The following POLA1 variants were observed in gnomAD, a reference collection of about 807,000 sequenced individuals.
POLA1 encodes the protein DNA polymerase alpha catalytic subunit.
In POLA1, 15 loss-of-function variants were observed where a neutral mutation model predicts 124.0. That is an observed-to-expected ratio of 0.12 (90% CI 0.08 to 0.19). The LOEUF (loss-of-function observed/expected upper bound fraction) is 0.19, where lower values mean the gene tolerates loss of function less well. POLA1 is among the 10% of genes least tolerant of loss of function. The probability of loss-of-function intolerance (pLI) is 1.00; values close to 1 mark genes in which losing one functional copy is unlikely to be tolerated. For synonymous variants in POLA1, 408 were observed against 389.4 expected, an observed-to-expected ratio of 1.05 and a Z score of -0.56; for missense variants, 886 against 1,103.4, an observed-to-expected ratio of 0.80 and a Z score of 2.79.
chrX:24,984,933 T>C (rs1024363893), intron 36 of POLA1, among the ~76,000 whole-genome samples: 1 of 111,261 alleles, frequency 9.0e-6, no homozygotes, highest in African/African-American at 3.3e-5. Context: ...GTGCTGGGAT[T>C]ACAGGCCTGA....
At chrX:24,821,350 G>A (rs1248641854) in intron 30 of POLA1, 102 bp from the exon 31 acceptor site, 13 of 578,723 alleles carry the variant, frequency 2.2e-5, no homozygotes, top group Non-Finnish European at 3.3e-5. Context: ...CATTTTTTAT[G>A]TTTATGTGGC....
In POLA1 at chrX:24,995,837, G is replaced by A. The variant is rs1041675690; in HGVS notation, c.4294G>A (p.Val1432Ile). 1 of 1,206,574 alleles carries A rather than the reference G, an allele frequency of 8.3e-7. No homozygotes were observed. The highest frequency in any genetic ancestry group is 1.1e-6 in the Non-Finnish European group (1 of 891,253). ...GAAGAAGCAATTTTTTACCCCCAAA[G>A]TTCTGCAGGACTACAGAAAACTCAA... ...KLKKQFFTPK[V>I]LQDYRKLKNT... Residue 1432 changes from valine to isoleucine, a missense_variant, in exon 37 of 37, where the codon GTT becomes ATT. Physicochemically the swap from Val to Ile is conservative, Grantham distance 29. This residue lies in a region of POLA1 where 313 missense variants were observed against 359.7 expected (regional missense o/e 0.87). Coordinates refer to ENST00000379068, the MANE Select transcript of POLA1 (RefSeq NM_001330360.2).
At chrX:24,831,771 G>A (rs1194947219) in intron 32 of POLA1, among the ~76,000 whole-genome samples, 1 of 112,398 alleles carries the variant, frequency 8.9e-6, no homozygotes, top group Admixed American at 9.4e-5. Flanking sequence ...ATTAAAAAAT[G>A]TTATACCAAA....
rs919818641 is a variant in POLA1, at chrX:24,762,366, T to G, written c.2964+13374T>G. 8.0e-5 allele frequency among the ~76,000 whole-genome samples: 9 copies of G among 112,280 alleles called. No individual in the cohort carries two copies. In the South Asian group the frequency reaches 1.1e-3, roughly 14 times the overall value. On this transcript the variant is annotated intron_variant, in intron 26 of 36. Transcript: ENST00000379068. ...ATCAAATGGTCAATGAATAATTATG[T>G]CATTCTGAAAGAAAATAAGTGCTAA...
chrX:24,732,599 G>GTT (rs5901763), intron 16 of POLA1, 145 bp downstream of exon 16: 11,863 of 197,366 alleles, frequency 0.06, 135 homozygotes, highest in Non-Finnish European at 0.072. Context: ...GTTTTTTTTT[G>GTT]TTTTTTTTTT....
Position 24,693,974 on chromosome X carries a change from C to A in POLA1, c.13C>A (p.His5Asn). The change falls in exon 1 of 37, where the codon CAC becomes AAC. Residue 5 changes from histidine to asparagine, a missense_variant. His to Asn is a moderately conservative substitution (Grantham distance 68, BLOSUM62 1). Transcript: ENST00000379068. MAPV[H>N]GDDCEIGASA... The stretch of plus-strand genomic sequence containing the variant: ...GAGATTCGGGACCATGGCACCTGTG[C>A]ACGGCGACGACTGTGAGATAGGGGC... 1 of 1,194,953 alleles carries A rather than the reference C, an allele frequency of 8.4e-7. No homozygotes were observed. The highest frequency in any genetic ancestry group is 1.1e-6 in the Non-Finnish European group (1 of 886,767).
At chrX:24,751,131 G>A (rs974858444) in intron 26 of POLA1, among the ~76,000 whole-genome samples, 30 of 111,551 alleles carry the variant, frequency 2.7e-4, no homozygotes, top group African/African-American at 9.4e-4. Context: ...AGTTTCTCAC[G>A]AGAGGCAATA....
intron 30 of POLA1, among the ~76,000 whole-genome samples, chrX:24,817,392 G>A (rs1469452333): frequency 1.8e-5 from 2 of 110,026 alleles, no homozygotes; most frequent in Non-Finnish European, 3.8e-5. Flanking sequence ...GGTGGATCAC[G>A]AGGTCAGGAG....
In POLA1 at chrX:24,871,588, AT is replaced by A. The variant is rs536082680; in HGVS notation, c.4048-16405del. On this transcript the variant is annotated intron_variant, in intron 34 of 36. Coordinates refer to ENST00000379068, the MANE Select transcript of POLA1 (RefSeq NM_001330360.2). ...ATCATGAAGGCTTATGGGGAACCTT[AT>A]TTTTTTTTTTTTAAATTATGTTGTA... Among the ~76,000 whole-genome samples, 273 of 103,938 alleles carry A rather than the reference AT, an allele frequency of 2.6e-3. No homozygotes were observed. In the South Asian group the frequency reaches 0.028, roughly 11 times the overall value. The allele number at this position is 103,938 out of a possible 115,157, so 90.3% of individuals were successfully genotyped here.
chrX:24,966,147 C>T (rs1052040835), intron 36 of POLA1, among the ~76,000 whole-genome samples: 7 of 112,353 alleles, frequency 6.2e-5, no homozygotes, highest in Non-Finnish European at 1.1e-4. Flanking sequence ...CTCTGCCTTA[C>T]CATAGAAATG....
intron 35 of POLA1, among the ~76,000 whole-genome samples, chrX:24,889,787 G>A (rs1057295574): frequency 9.0e-6 from 1 of 111,607 alleles, no homozygotes; most frequent in Non-Finnish European, 1.9e-5. Flanking sequence ...CCTTGAATTT[G>A]TAGGCTCAAG....
At chrX:24,694,992 C>G (rs935361040) in intron 1 of POLA1, among the ~76,000 whole-genome samples, 5 of 112,210 alleles carry the variant, frequency 4.5e-5, no homozygotes, top group African/African-American at 1.6e-4. Flanking sequence ...AACGAACAGT[C>G]TTTGCAGGCC....
At position 24,791,985 on chromosome X, in the gene POLA1, T is replaced by C. The variant is rs141725660; in HGVS notation, c.2965-17913T>C. 2.2e-3 allele frequency among the ~76,000 whole-genome samples: 242 copies of C among 112,441 alleles called. 2 individuals are homozygous for C. The highest frequency in any genetic ancestry group is 7.6e-3 in the African/African-American group (235 of 31,030). On this transcript the variant is annotated intron_variant, in intron 26 of 36. Transcript: ENST00000379068. Reference sequence around the variant, plus strand: ...AATGTTTACTCAAAAAAGTTGAATTTTTCTACTGGTTTTGGGACTACTTGG... The same window carrying C: ...AATGTTTACTCAAAAAAGTTGAATTCTTCTACTGGTTTTGGGACTACTTGG...
intron 19 of POLA1, 81 bp from the exon 20 acceptor site, chrX:24,739,294 G>A (rs1931488964): frequency 3.0e-6 from 2 of 655,806 alleles, no homozygotes; most frequent in Admixed American, 3.2e-5. Context: ...ATAATTTTGG[G>A]CCAGCTTCAA....
chrX:24,718,340 C>A (rs1299691285), intron 10 of POLA1, among the ~76,000 whole-genome samples: 1 of 110,997 alleles, frequency 9.0e-6, no homozygotes, highest in African/African-American at 3.3e-5. Flanking sequence ...GGGCGATGGC[C>A]AGGGGAGGCC....
At chrX:24,892,536 TG>T (rs1193366235) in intron 35 of POLA1, among the ~76,000 whole-genome samples, 1 of 112,142 alleles carries the variant, frequency 8.9e-6, no homozygotes, top group African/African-American at 3.2e-5. Flanking sequence ...CTTTTTAATA[TG>T]GTGAAATGTG....
At chrX:24,805,326 T>C (rs895071184) in intron 26 of POLA1, among the ~76,000 whole-genome samples, 1 of 111,867 alleles carries the variant, frequency 8.9e-6, no homozygotes, top group Non-Finnish European at 1.9e-5. Flanking sequence ...CTCACTGAGC[T>C]GAGCCCAGGA....
intron 26 of POLA1, among the ~76,000 whole-genome samples, chrX:24,788,113 CATATG>C (rs761578418): frequency 1.1e-4 from 12 of 111,960 alleles, no homozygotes; most frequent in African/African-American, 3.9e-4. Flanking sequence ...AGATAAAAAT[CATATG>C]ATAATCTCAA....
intron 34 of POLA1, among the ~76,000 whole-genome samples, chrX:24,870,340 G>A (rs886844844): frequency 8.9e-6 from 1 of 111,939 alleles, no homozygotes; most frequent in African/African-American, 3.3e-5. Context: ...ACCAGTTAGC[G>A]CAATATCTTA....
Sources: allele counts gnomAD v4.1 joint callset (sites outside exome capture counted in the v4.1 genomes callset), GRCh38; gene constraint gnomAD v4.1.1; regional missense constraint gnomAD v4.1.1; transcripts MANE v1.5; gene names NCBI Gene and HGNC (gene_info 2026-07-23, HGNC 2026-07-21).